The following CD300A variants were observed in gnomAD, a reference collection of about 807,000 sequenced individuals.
CD300A encodes CMRF35-like molecule 8.
In CD300A, 22 loss-of-function variants were observed where a neutral mutation model predicts 33.6. That is an observed-to-expected ratio of 0.66 (90% confidence interval 0.47 to 0.94). CD300A has a LOEUF of 0.94. Ranked by LOEUF, CD300A falls within the 40% of genes least tolerant of loss-of-function variation. CD300A has a pLI of 0.00. For missense variants in CD300A, 326 were observed against 360.5 expected (o/e 0.90, Z 0.77); for synonymous variants, 136 against 148.1 (o/e 0.92, Z 0.59).
chr17:74,482,002 C>T (rs1235922075), intron 6 of CD300A, among the ~76,000 whole-genome samples, 169 bp downstream of exon 6: 2 of 151,810 alleles, frequency 1.3e-5, no homozygotes, highest in Admixed American at 1.3e-4. Flanking sequence ...GAGCAGAGGT[C>T]CTTAGGAGGG....
Position 74,484,075 on chromosome 17 carries a change from G to A in CD300A, c.849G>A (p.Arg283=), listed in dbSNP as rs1482326822. 5 of 1,613,954 alleles carry A rather than the reference G, an allele frequency of 3.1e-6. No individual in the cohort carries two copies. The highest frequency in any genetic ancestry group is 4.2e-6 in the Non-Finnish European group (5 of 1,179,988). ...DSNTNRIAAQ[R]PREEEPDSDY... ...ACACCAACAGGATAGCTGCTCAGAG[G>A]CCTCGGGAGGAGGAACCAGATTCAG... Residue 283 remains arginine (R), a synonymous_variant, in exon 7 of 7, where the codon AGG becomes AGA. Coordinates refer to ENST00000360141, the MANE Select transcript of CD300A (RefSeq NM_007261.4).
Position 74,473,891 on chromosome 17 carries a change from C to T in CD300A, c.379+17C>T. On this transcript the variant is annotated intron_variant, in intron 2 of 6. Coordinates refer to ENST00000360141, the MANE Select transcript of CD300A (RefSeq NM_007261.4). ...TGTTCCCGGGTGAGCCCCTCCTTCC[C>T]TCAGCGCCTAAATAGGCTCAGGTTG... is the stretch of plus-strand genomic sequence containing the variant. The T allele has an allele frequency of 6.2e-7, 1 of 1,604,412 alleles. No individual in the cohort carries two copies. Among genetic ancestry groups the T allele is most frequent in the Non-Finnish European group, 8.5e-7 (1 of 1,173,076 alleles).
intron 3 of CD300A, among the ~76,000 whole-genome samples, chr17:74,476,275 T>A (rs1405295399): frequency 6.6e-6 from 1 of 152,130 alleles, no homozygotes; most frequent in East Asian, 1.9e-4. Flanking sequence ...ACAAAGACAC[T>A]CCTAATTTTT....
intron 6 of CD300A, among the ~76,000 whole-genome samples, chr17:74,483,590 C>CA (rs1348527625): frequency 6.6e-6 from 1 of 152,178 alleles, no homozygotes; most frequent in Non-Finnish European, 1.5e-5. Flanking sequence ...CTCCTGACAT[C>CA]AAGTGATCCA....
intron 4 of CD300A, among the ~76,000 whole-genome samples, chr17:74,478,988 C>T (rs898359200): frequency 2.0e-5 from 3 of 152,280 alleles, no homozygotes; most frequent in East Asian, 1.9e-4. Flanking sequence ...GAGCCCCTTT[C>T]GGTTTCCTTT....
intron 6 of CD300A, among the ~76,000 whole-genome samples, chr17:74,482,633 TG>T (rs1300631982): frequency 8.6e-5 from 13 of 150,834 alleles, no homozygotes; most frequent in Non-Finnish European, 1.0e-4. Flanking sequence ...TGCATGAGGA[TG>T]AGGGTGGTCT....
intron 4 of CD300A, among the ~76,000 whole-genome samples, chr17:74,478,015 C>T (rs1567982663): frequency 6.6e-6 from 1 of 152,220 alleles, no homozygotes; most frequent in South Asian, 2.1e-4. Context: ...CTGCCCTCCA[C>T]GATCTGGCTC....
chr17:74,476,518 G>A (rs1407939733), intron 3 of CD300A, among the ~76,000 whole-genome samples: 1 of 152,172 alleles, frequency 6.6e-6, no homozygotes, highest in Admixed American at 6.5e-5. Context: ...GGGTGGGTTG[G>A]TGGGTGGGTA....
chr17:74,470,397 AAGAG>A lies in CD300A; in HGVS notation c.41-3132_41-3129del, dbSNP rs1232270981. ...AGAGAAGTTAATCAGGAGAGAGAGA[AAGAG>A]AGAGAGCTAGAGGGAGAGAGAGAGA... On this transcript the variant is annotated intron_variant, in intron 1 of 6. Transcript: ENST00000360141. Among the ~76,000 whole-genome samples, 9 of 152,098 alleles carry A rather than the reference AAGAG, an allele frequency of 5.9e-5. No homozygotes were observed. In the East Asian group the frequency reaches 1.5e-3, roughly 26 times the overall value.
chr17:74,479,070 T>C lies in CD300A; in HGVS notation c.628+1540T>C, dbSNP rs112327336. 2.4e-3 allele frequency among the ~76,000 whole-genome samples: 359 copies of C among 152,152 alleles called. 2 individuals carry two copies. The highest frequency in any genetic ancestry group is 8.1e-3 in the African/African-American group (334 of 41,486). Reference sequence around the variant, plus strand: ...CCCCCTTGAAAAGGATGTATGTGATTATTGTAGGAAGTTTGAAAAATGAGC... The same window carrying C: ...CCCCCTTGAAAAGGATGTATGTGATCATTGTAGGAAGTTTGAAAAATGAGC... On this transcript the variant is annotated intron_variant, in intron 4 of 6. Transcript: ENST00000360141.
intron 2 of CD300A, 145 bp downstream of exon 2, chr17:74,474,019 G>A (rs1362912875): frequency 3.3e-6 from 3 of 903,938 alleles, no homozygotes; most frequent in Admixed American, 2.7e-5. Flanking sequence ...CACAGTCAGG[G>A]GGTCTCTCCT....
In CD300A at chr17:74,466,711, T is replaced by A. The variant is rs780705925; in HGVS notation, c.8T>A (p.Leu3Gln). ...TGTGCTGGGGAAGGGACCATGTGGC[T>A]GCCTTGGGCTCTGTTGCTTCTCTGG... MWLPWALLLLWVP... is the reference protein window; with the variant it reads MWQPWALLLLWVP... Residue 3 changes from leucine (L) to glutamine (Q), a missense_variant, in exon 1 of 7, where the codon CTG becomes CAG. By Grantham distance (113) the Leu-to-Gln change is moderately radical. Transcript: ENST00000360141. 2.5e-6 allele frequency: 4 copies of A among 1,597,052 alleles called. No homozygotes were observed. Among genetic ancestry groups the A allele is most frequent in the South Asian group, 2.3e-5 (2 of 88,090 alleles).
At chr17:74,473,390 C>G (rs926866616) in intron 1 of CD300A, 146 bp from the exon 2 acceptor site, 1 of 721,238 alleles carries the variant, frequency 1.4e-6, no homozygotes, top group Admixed American at 2.7e-5. Context: ...AGCCTCTCAT[C>G]CTCAGTCCCC....
At chr17:74,476,041 A>G (rs2144521666) in intron 3 of CD300A, among the ~76,000 whole-genome samples, 1 of 152,262 alleles carries the variant, frequency 6.6e-6, no homozygotes, top group East Asian at 1.9e-4. Context: ...ACCTCAATAT[A>G]TTTATCAACC....
chr17:74,481,851 G>A lies in CD300A; in HGVS notation c.774+18G>A, dbSNP rs1906877256. ...GCACTGTGGTAAGTGCAGGAGCCCG[G>A]CTTTTGGGCATGCGGCCCCTGGGCT... On this transcript the variant is annotated intron_variant, in intron 6 of 6. Coordinates refer to ENST00000360141, the MANE Select transcript of CD300A (RefSeq NM_007261.4). 5.0e-6 allele frequency: 8 copies of A among 1,585,280 alleles called. No homozygotes were observed. The East Asian group carries it at 1.8e-4, about 36-fold the overall frequency.
At position 74,466,784 on chromosome 17, in the gene CD300A, G is replaced by A. The variant is rs1348806168; in HGVS notation, c.40+41G>A. On this transcript the variant is annotated intron_variant, in intron 1 of 6. Coordinates refer to ENST00000360141, the MANE Select transcript of CD300A (RefSeq NM_007261.4). ...CCCGGGAAAGTCTGCGGCAGGGAGGGAGGGTGCGAGGGGCAGGGCCGCAGG... is the reference window on the plus strand; with the variant it reads ...CCCGGGAAAGTCTGCGGCAGGGAGGAAGGGTGCGAGGGGCAGGGCCGCAGG... The A allele has an allele frequency of 2.6e-6, 4 of 1,565,252 alleles. No homozygotes were observed. The South Asian group carries it at 4.7e-5, about 18-fold the overall frequency.
chr17:74,478,067 C>A (rs982747024), intron 4 of CD300A, among the ~76,000 whole-genome samples: 1 of 152,166 alleles, frequency 6.6e-6, no homozygotes, highest in Admixed American at 6.5e-5. Flanking sequence ...TGGAAACCAA[C>A]TTCTTGTATC....
At position 74,477,532 on chromosome 17, in the gene CD300A, T is replaced by C; in HGVS notation, c.628+2T>C. On this transcript the variant is annotated splice_donor_variant, in intron 4 of 6. Coordinates refer to ENST00000360141, the MANE Select transcript of CD300A (RefSeq NM_007261.4). LOFTEE classifies it high-confidence loss of function. ...GGATGTTTCAGAAATGGATCAAAGG[T>C]GAGTTGGCTCCCCACACCCCTCTGC... The C allele has an allele frequency of 6.2e-7, 1 of 1,610,422 alleles. No individual in the cohort carries two copies. Among genetic ancestry groups the C allele is most frequent in the Non-Finnish European group, 8.5e-7 (1 of 1,177,828 alleles).
Position 74,474,686 on chromosome 17 carries a change from G to A in CD300A, c.533+1G>A. 6.2e-7 allele frequency: 1 copy of A among 1,614,006 alleles called. No homozygotes were observed. The highest frequency in any genetic ancestry group is 8.5e-7 in the Non-Finnish European group (1 of 1,179,918). ...AAACTGAGGAGGTGGTGAACTCACAGTAAGCACCCTAGCCCCTGAGACATG... is the reference window on the plus strand; with the variant it reads ...AAACTGAGGAGGTGGTGAACTCACAATAAGCACCCTAGCCCCTGAGACATG... On this transcript the variant is annotated splice_donor_variant, in intron 3 of 6. Transcript: ENST00000360141. LOFTEE classifies it high-confidence loss of function.
Sources: allele counts gnomAD v4.1 joint callset (sites outside exome capture counted in the v4.1 genomes callset), GRCh38; gene constraint gnomAD v4.1.1; transcripts MANE v1.5; gene names NCBI Gene and HGNC (gene_info 2026-07-23, HGNC 2026-07-21).